Variants in ST8SIA3 observed in about 807,000 individuals in gnomAD.
The protein encoded by ST8SIA3 is alpha-N-acetylneuraminate alpha-2,8-sialyltransferase ST8SIA3.
ST8SIA3 carries 17 observed loss-of-function variants against 34.5 expected under a neutral mutation model. The observed-to-expected ratio is 0.49, with a 90% CI of 0.34 to 0.74. The LOEUF (loss-of-function observed/expected upper bound fraction) is 0.74, where lower values mean the gene tolerates loss of function less well. Among genes scored for constraint, ST8SIA3 ranks in the 30% least tolerant of loss-of-function variants. The probability of loss-of-function intolerance (pLI) is 0.01; values close to 1 mark genes in which losing one functional copy is unlikely to be tolerated. For synonymous variants in ST8SIA3, 172 were observed against 176.1 expected (o/e 0.98, Z 0.19); for missense variants, 354 against 467.8 (o/e 0.76, Z 2.24).
Position 57,356,959 on chromosome 18 carries a change from A to G in ST8SIA3, c.349A>G (p.Thr117Ala). 6.2e-7 allele frequency: 1 copy of G among 1,607,044 alleles called. No individual in the cohort carries two copies. Among genetic ancestry groups the G allele is most frequent in the Non-Finnish European group, 8.5e-7 (1 of 1,177,216 alleles). The change falls in exon 3 of 4, where the codon ACC (threonine) becomes GCC (alanine). Residue 117 changes from threonine (T) to alanine (A), a missense_variant. Around this residue, in one of 3 missense-constraint regions of ST8SIA3, gnomAD observed 184 missense variants for 205.4 expected, o/e 0.90. Transcript: ENST00000324000. ...HVDVIKNFSL[T>A]KNSVRIGQLM... is the part of the protein sequence containing the mutation. ...CGATGTAATAAAAAATTTTTCTTTG[A>G]CCAAGAATAGTGTTCGGATTGGACA...
rs560719761 is a variant in ST8SIA3, at chr18:57,363,908, C to T, written c.*3631C>T. On this transcript the variant is annotated 3_prime_UTR_variant, in exon 4 of 4. Transcript: ENST00000324000. ...TAGTGGAGAAATTATGATTCCTCCTCTAGTACTTCTTGGTCTTACCAGCAT... is the reference window on the plus strand; with the variant it reads ...TAGTGGAGAAATTATGATTCCTCCTTTAGTACTTCTTGGTCTTACCAGCAT... 6.6e-6 allele frequency: 1 copy of T among 152,170 alleles called. No homozygotes were observed. Among genetic ancestry groups the T allele is most frequent in the African/African-American group, 2.4e-5 (1 of 41,418 alleles). 9.4% of individuals were successfully genotyped at this position (152,170 alleles called of 1,614,324 possible). A position where few individuals can be genotyped will look rare whatever the true frequency, so the allele number is the denominator to read the frequency against.
At position 57,354,459 on chromosome 18, in the gene ST8SIA3, C is replaced by A; in HGVS notation, c.237C>A (p.Leu79=). Residue 79 remains leucine (L), a synonymous_variant, in exon 2 of 4, where the codon CTC becomes CTA. Transcript: ENST00000324000. ...DPSFVPITNS[L]TQELQEKPSK... is the part of the protein sequence containing the mutation. ...CATTCGTGCCCATTACGAATTCTCT[C>A]ACCCAGGAACTCCAAGAGAAACCTT... 1 of 1,614,168 alleles carries A rather than the reference C, an allele frequency of 6.2e-7. No homozygotes were observed. Among genetic ancestry groups the A allele is most frequent in the Non-Finnish European group, 8.5e-7 (1 of 1,180,010 alleles).
chr18:57,367,564 C>A lies in ST8SIA3; in HGVS notation c.*7287C>A, dbSNP rs531485319. The stretch of plus-strand genomic sequence containing the variant: ...AAAACCATTCTTGAGGAACCAGCCA[C>A]TCCCATAGCATTTTTAGTCTTAGGG... On this transcript the variant is annotated 3_prime_UTR_variant, in exon 4 of 4. Transcript: ENST00000324000. 1.3e-5 allele frequency: 2 copies of A among 152,528 alleles called. No individual in the cohort carries two copies. Among genetic ancestry groups the A allele is most frequent in the Non-Finnish European group, 2.9e-5 (2 of 68,048 alleles). 9.4% of individuals were successfully genotyped at this position (152,528 alleles called of 1,614,324 possible).
intron 3 of ST8SIA3, 31 bp downstream of exon 3, chr18:57,357,501 C>T (rs757651586): frequency 1.3e-6 from 2 of 1,533,774 alleles, no homozygotes; most frequent in Non-Finnish European, 1.8e-6. Context: ...TTTACTCATA[C>T]TCCACCAGAT....
intron 1 of ST8SIA3, among the ~76,000 whole-genome samples, chr18:57,353,849 A>AC: frequency 6.6e-6 from 1 of 152,176 alleles, no homozygotes; most frequent in South Asian, 2.1e-4. Flanking sequence ...GAGGCGAGGA[A>AC]CCCAGAGGAG....
In ST8SIA3 at chr18:57,352,845, G is replaced by A; in HGVS notation, c.-2G>A. The A allele has an allele frequency of 6.2e-7, 1 of 1,613,118 alleles. No homozygotes were observed. The highest frequency in any genetic ancestry group is 2.2e-5 in the East Asian group (1 of 44,862). ...GTTTCCCTGAACCCAGCCCAGCCCG[G>A]GATGAGAAACTGCAAAATGGCCCGG... On this transcript the variant is annotated 5_prime_UTR_variant, in exon 1 of 4. Coordinates refer to ENST00000324000, the MANE Select transcript of ST8SIA3 (RefSeq NM_015879.3).
rs1568102581 is a variant in ST8SIA3 at position 57,362,103 on chromosome 18, C to T, written c.*1826C>T. ...AGTTCAAATGTGTTACCAATTATGA[C>T]ACACATTACAATATAATTATAAGGG... On this transcript the variant is annotated 3_prime_UTR_variant, in exon 4 of 4. Transcript: ENST00000324000. 6.6e-6 allele frequency: 1 copy of T among 152,190 alleles called. No homozygotes were observed. Among genetic ancestry groups the T allele is most frequent in the Non-Finnish European group, 1.5e-5 (1 of 68,042 alleles). 9.4% of individuals were successfully genotyped at this position (152,190 alleles called of 1,614,324 possible).
At chr18:57,356,659 C>A in intron 2 of ST8SIA3, among the ~76,000 whole-genome samples, 1 of 152,178 alleles carries the variant, frequency 6.6e-6, no homozygotes, top group East Asian at 1.9e-4. Flanking sequence ...GAGCAGAAAA[C>A]CAAGGTATGG....
In ST8SIA3 at chr18:57,352,888, G is replaced by C. The variant is rs553404411; in HGVS notation, c.42G>C (p.Gly14=). 3.1e-6 allele frequency: 5 copies of C among 1,613,766 alleles called. No homozygotes were observed. The highest frequency in any genetic ancestry group is 4.2e-6 in the Non-Finnish European group (5 of 1,179,978). ...CKMARVASVL[G]LVMLSVALLI... ...TGGCCCGGGTCGCCAGTGTGCTGGG[G>C]CTGGTCATGCTCAGCGTCGCCCTGC... The change falls in exon 1 of 4, where the codon GGG becomes GGC. Residue 14 remains glycine, a synonymous_variant. Coordinates refer to ENST00000324000, the MANE Select transcript of ST8SIA3 (RefSeq NM_015879.3).
intron 1 of ST8SIA3, 29 bp from the exon 2 acceptor site, chr18:57,354,373 C>G (rs12606016): frequency 2.4e-5 from 39 of 1,613,378 alleles, no homozygotes; most frequent in Non-Finnish European, 3.3e-5. Flanking sequence ...GAGGCCAGCA[C>G]GCTTGTCTGT....
Position 57,357,268 on chromosome 18 carries a change from A to G in ST8SIA3, c.658A>G (p.Asn220Asp). 2 of 1,614,186 alleles carry G rather than the reference A, an allele frequency of 1.2e-6. No individual in the cohort carries two copies. The highest frequency in any genetic ancestry group is 1.7e-6 in the Non-Finnish European group (2 of 1,180,000). The change falls in exon 3 of 4, where the codon AAC (asparagine) becomes GAC (aspartate). Residue 220 changes from asparagine (N) to aspartate (D), a missense_variant. Physicochemically the swap from Asn to Asp is conservative, Grantham distance 23. Around this residue, in one of 3 missense-constraint regions of ST8SIA3, gnomAD observed 166 missense variants for 245.2 expected, o/e 0.68. Coordinates refer to ENST00000324000, the MANE Select transcript of ST8SIA3 (RefSeq NM_015879.3). Reference protein sequence around the residue: ...FNPSILEKYYNNLLTIQDRNN... With the variant: ...FNPSILEKYYDNLLTIQDRNN... The stretch of plus-strand genomic sequence containing the variant: ...CCCCAGCATCCTGGAAAAATATTAC[A>G]ACAATCTCTTGACTATTCAGGACCG...
chr18:57,355,035 T>C (rs1209410984), intron 2 of ST8SIA3, among the ~76,000 whole-genome samples: 2 of 152,234 alleles, frequency 1.3e-5, no homozygotes, highest in Non-Finnish European at 2.9e-5. Context: ...CAAATGTATG[T>C]AGATATTTAA....
rs369010724 is a variant in ST8SIA3 at position 57,353,042 on chromosome 18, G to C, written c.179+17G>C. On this transcript the variant is annotated intron_variant, in intron 1 of 3. Coordinates refer to ENST00000324000, the MANE Select transcript of ST8SIA3 (RefSeq NM_015879.3). Reference sequence around the variant, plus strand: ...GGGATTCCGGTGAGTGCGGGCCTCTGTGTTAGTGCCCTCGGGAATTTGGTT... The same window carrying C: ...GGGATTCCGGTGAGTGCGGGCCTCTCTGTTAGTGCCCTCGGGAATTTGGTT... The C allele has an allele frequency of 5.0e-6, 8 of 1,599,382 alleles. No individual in the cohort carries two copies. Among genetic ancestry groups the C allele is most frequent in the Non-Finnish European group, 6.8e-6 (8 of 1,176,572 alleles).
chr18:57,352,755 C>T lies in ST8SIA3; in HGVS notation c.-92C>T, dbSNP rs761616680. The T allele has an allele frequency of 1.4e-5, 13 of 930,112 alleles. No individual in the cohort carries two copies. The East Asian group carries it at 2.5e-4, about 18-fold the overall frequency. 57.6% of individuals were successfully genotyped at this position (930,112 alleles called of 1,614,324 possible). Reference sequence around the variant, plus strand: ...GCTCACACACACACACACACACACACACACACACACACACATATATACACG... The same window carrying T: ...GCTCACACACACACACACACACACATACACACACACACACATATATACACG... On this transcript the variant is annotated 5_prime_UTR_variant, in exon 1 of 4. Coordinates refer to ENST00000324000, the MANE Select transcript of ST8SIA3 (RefSeq NM_015879.3).
rs1225363946 is a variant in ST8SIA3 at position 57,367,929 on chromosome 18, T to C, written c.*7652T>C. 2 of 152,630 alleles carry C rather than the reference T, an allele frequency of 1.3e-5. No homozygotes were observed. The highest frequency in any genetic ancestry group is 2.9e-5 in the Non-Finnish European group (2 of 68,046). 9.5% of individuals were successfully genotyped at this position (152,630 alleles called of 1,614,324 possible). On this transcript the variant is annotated 3_prime_UTR_variant, in exon 4 of 4. Transcript: ENST00000324000. ...TCTCCCAGGACACAAAACAAATGTA[T>C]GGAAACATCGCAATACACTATCATT...
intron 3 of ST8SIA3, 35 bp downstream of exon 3, chr18:57,357,505 A>G: frequency 6.6e-7 from 1 of 1,508,356 alleles, no homozygotes; most frequent in Non-Finnish European, 9.1e-7. Context: ...CTCATACTCC[A>G]CCAGATGGCA....
rs2049837105 is a variant in ST8SIA3 at position 57,362,474 on chromosome 18, A to G, written c.*2197A>G. The stretch of plus-strand genomic sequence containing the variant: ...AGGAAAAGACCAGAATCTCTAAAAA[A>G]CAGTTTACTGTTCTGTAGTGGACAA... On this transcript the variant is annotated 3_prime_UTR_variant, in exon 4 of 4. Coordinates refer to ENST00000324000, the MANE Select transcript of ST8SIA3 (RefSeq NM_015879.3). 6.6e-6 allele frequency: 1 copy of G among 152,212 alleles called. No individual in the cohort carries two copies. Among genetic ancestry groups the G allele is most frequent in the African/African-American group, 2.4e-5 (1 of 41,452 alleles). 9.4% of individuals were successfully genotyped at this position (152,212 alleles called of 1,614,324 possible). A position where few individuals can be genotyped will look rare whatever the true frequency, so the allele number is the denominator to read the frequency against.
chr18:57,356,820 G>T, intron 2 of ST8SIA3, 93 bp from the exon 3 acceptor site: 1 of 834,862 alleles, frequency 1.2e-6, no homozygotes, highest in African/African-American at 1.7e-5. Context: ...ATGAGCCTAA[G>T]ATTCCCTCTG....
rs1359774783 is a variant in ST8SIA3 at position 57,362,511 on chromosome 18, T to C, written c.*2234T>C. On this transcript the variant is annotated 3_prime_UTR_variant, in exon 4 of 4. Transcript: ENST00000324000. Reference sequence around the variant, plus strand: ...TCTGTAGTGGACAATTTAAATTTTATCTCATCATAATGCCAAGGATTTTTG... The same window carrying C: ...TCTGTAGTGGACAATTTAAATTTTACCTCATCATAATGCCAAGGATTTTTG... 6.6e-6 allele frequency: 1 copy of C among 152,192 alleles called. No homozygotes were observed. The highest frequency in any genetic ancestry group is 1.5e-5 in the Non-Finnish European group (1 of 68,030). The allele number at this position is 152,192 out of a possible 1,614,324, so 9.4% of individuals were successfully genotyped here. A position where few individuals can be genotyped will look rare whatever the true frequency, so the allele number is the denominator to read the frequency against.
Sources: gnomAD v4.1 joint callset for allele counts (sites outside exome capture counted in the v4.1 genomes callset) on GRCh38, gnomAD v4.1.1 for gene constraint, gnomAD v4.1.1 regional missense constraint, MANE v1.5 for transcripts, NCBI Gene and HGNC (gene_info 2026-07-23, HGNC 2026-07-21) for gene names.